The following CDH13 variants were observed in gnomAD, a reference collection of about 807,000 sequenced individuals.
CDH13 encodes the protein cadherin-13.
Under a neutral mutation model 63.8 loss-of-function variants are expected in CDH13, and 24 were observed. The ratio of observed to expected loss-of-function variants is 0.38; its 90% CI spans 0.27 to 0.53. CDH13 has a LOEUF of 0.53. Among genes scored for constraint, CDH13 ranks in the 20% least tolerant of loss-of-function variants. The pLI is 0.85. For missense variants in CDH13, 1,049 were observed against 903.1 expected (o/e 1.16, Z -2.07); for synonymous variants, 503 against 355.3 (o/e 1.42, Z -4.67).
chr16:83,571,808 C>T (rs923212876), intron 7 of CDH13, among the ~76,000 whole-genome samples: 2 of 152,176 alleles, frequency 1.3e-5, no homozygotes, highest in Admixed American at 1.3e-4. Context: ...TTCTATGCAG[C>T]TAGGTGCCTG....
rs915144182 is a variant in CDH13 at position 83,029,933 on chromosome 16, C to G, written c.158-2077C>G. On this transcript the variant is annotated intron_variant, in intron 2 of 13. Transcript: ENST00000567109. ...AAAAAGCACGTAGTACAATTCTATG[C>G]TTACCCACAAGGGGCCTCAAAGTTT... Among the ~76,000 whole-genome samples, 21 of 152,336 alleles carry G rather than the reference C, an allele frequency of 1.4e-4. No homozygotes were observed. The East Asian group carries it at 4.1e-3, about 29-fold the overall frequency.
intron 2 of CDH13, among the ~76,000 whole-genome samples, chr16:82,914,887 C>T (rs1266781149): frequency 1.3e-5 from 2 of 152,180 alleles, no homozygotes; most frequent in African/African-American, 4.8e-5. Flanking sequence ...CCAGTGACAC[C>T]AAACGGTGTC....
chr16:83,481,293 C>G (rs139501515), intron 6 of CDH13, among the ~76,000 whole-genome samples: 3 of 152,260 alleles, frequency 2.0e-5, no homozygotes, highest in South Asian at 4.1e-4. Flanking sequence ...AAAAATGAGC[C>G]TGACACTTTT....
intron 1 of CDH13, chr16:82,824,327 A>G (rs1461975535): frequency 2.6e-5 from 4 of 152,204 alleles, no homozygotes; most frequent in African/African-American, 7.2e-5. Context: ...AAACATAAAC[A>G]ACTATCCTGC....
chr16:82,743,518 T>C lies in CDH13; in HGVS notation c.46-114844T>C, dbSNP rs567490142. ...ACAGGCATTAGCCACTGCACCCATC[T>C]ACTAATACATATTTTGAAGGCATAA... On this transcript the variant is annotated intron_variant, in intron 1 of 13. Coordinates refer to ENST00000567109, the MANE Select transcript of CDH13 (RefSeq NM_001257.5). Among the ~76,000 whole-genome samples, 153 of 152,360 alleles carry C rather than the reference T, an allele frequency of 1.0e-3. 1 individual carries two copies. The highest frequency in any genetic ancestry group is 3.5e-3 in the African/African-American group (147 of 41,594).
At chr16:83,065,797 C>T (rs1017787179) in intron 3 of CDH13, among the ~76,000 whole-genome samples, 5 of 151,908 alleles carry the variant, frequency 3.3e-5, no homozygotes, top group Admixed American at 6.6e-5. Flanking sequence ...CCTGCACTCT[C>T]TTCCTACTGT....
At chr16:83,510,606 A>G (rs2074534043) in intron 7 of CDH13, among the ~76,000 whole-genome samples, 1 of 152,204 alleles carries the variant, frequency 6.6e-6, no homozygotes, top group Non-Finnish European at 1.5e-5. Flanking sequence ...CCTACCTGGA[A>G]TCTACCCCTG....
chr16:83,466,523 G>A (rs149648108), intron 6 of CDH13, among the ~76,000 whole-genome samples: 1 of 152,210 alleles, frequency 6.6e-6, no homozygotes, highest in Non-Finnish European at 1.5e-5. Flanking sequence ...CAAACATCAT[G>A]CAATTTATAT....
intron 6 of CDH13, among the ~76,000 whole-genome samples, chr16:83,481,676 G>T (rs977197236): frequency 2.0e-5 from 3 of 152,150 alleles, no homozygotes; most frequent in Non-Finnish European, 4.4e-5. Context: ...CAGGAACCTG[G>T]GATGTTTTCT....
intron 3 of CDH13, among the ~76,000 whole-genome samples, chr16:83,035,668 C>G (rs895042115): frequency 2.0e-5 from 3 of 152,084 alleles, no homozygotes; most frequent in African/African-American, 7.2e-5. Context: ...AAGGACGGGT[C>G]ATTGTGCATA....
At chr16:83,730,775 T>C (rs1465279635) in intron 10 of CDH13, among the ~76,000 whole-genome samples, 1 of 152,174 alleles carries the variant, frequency 6.6e-6, no homozygotes, top group Non-Finnish European at 1.5e-5. Context: ...CCAGACAGTG[T>C]GCATAGTACC....
At chr16:83,558,603 C>T (rs565082056) in intron 7 of CDH13, among the ~76,000 whole-genome samples, 2 of 152,190 alleles carry the variant, frequency 1.3e-5, no homozygotes, top group African/African-American at 4.8e-5. Flanking sequence ...TCTGCATCTA[C>T]ATGTAACATT....
chr16:83,151,356 C>T (rs912144529), intron 4 of CDH13, among the ~76,000 whole-genome samples: 1 of 152,216 alleles, frequency 6.6e-6, no homozygotes, highest in African/African-American at 2.4e-5. Context: ...GCTGCTTCTT[C>T]TGTCTTCTCT....
chr16:82,861,310 C>T (rs1276050294), intron 2 of CDH13, among the ~76,000 whole-genome samples: 1 of 152,140 alleles, frequency 6.6e-6, no homozygotes, highest in Non-Finnish European at 1.5e-5. Flanking sequence ...CTTTGGTTAC[C>T]AATCATTGTG....
At chr16:83,058,325 G>A (rs944689260) in intron 3 of CDH13, among the ~76,000 whole-genome samples, 1 of 152,180 alleles carries the variant, frequency 6.6e-6, no homozygotes, top group Non-Finnish European at 1.5e-5. Flanking sequence ...GCGCCTCCAC[G>A]TTTTGTTCAA....
At chr16:83,744,492 G>A (rs954905816) in intron 10 of CDH13, among the ~76,000 whole-genome samples, 3 of 152,096 alleles carry the variant, frequency 2.0e-5, no homozygotes, top group African/African-American at 7.3e-5. Context: ...AAGGGCATGT[G>A]GAAGCCCTGC....
intron 7 of CDH13, among the ~76,000 whole-genome samples, chr16:83,590,307 C>T (rs966151742): frequency 1.3e-5 from 2 of 152,076 alleles, no homozygotes; most frequent in African/African-American, 4.8e-5. Context: ...ATCATGTGCA[C>T]ACAGAGGTGG....
chr16:83,118,032 G>A (rs925642932), intron 3 of CDH13, among the ~76,000 whole-genome samples: 1 of 152,298 alleles, frequency 6.6e-6, no homozygotes, highest in African/African-American at 2.4e-5. Context: ...ATAGAATCCA[G>A]CATGCGTGAG....
At chr16:83,590,020 C>G (rs1906578290) in intron 7 of CDH13, among the ~76,000 whole-genome samples, 1 of 152,034 alleles carries the variant, frequency 6.6e-6, no homozygotes, top group Non-Finnish European at 1.5e-5. Flanking sequence ...GTGAAAAAGC[C>G]TAAGAAGGTA....
Sources: gnomAD v4.1 joint callset for allele counts (sites outside exome capture counted in the v4.1 genomes callset) on GRCh38, gnomAD v4.1.1 for gene constraint, MANE v1.5 for transcripts, NCBI Gene and HGNC (gene_info 2026-07-23, HGNC 2026-07-21) for gene names.